The following CHIA variants were observed in gnomAD, a reference collection of about 807,000 sequenced individuals.
The protein encoded by CHIA is chitinase acidic.
A neutral mutation model predicts 53.5 loss-of-function variants in CHIA; 47 were observed. The ratio of observed to expected loss-of-function variants is 0.88; its 90% confidence interval spans 0.70 to 1.12. The LOEUF (loss-of-function observed/expected upper bound fraction) is 1.12. Ranked by LOEUF, CHIA falls within the 50% of genes most tolerant of loss-of-function variation. The pLI, the probability that CHIA is intolerant of heterozygous loss-of-function variation, is 0.00. For synonymous variants in CHIA, 268 were observed against 222.2 expected, an observed-to-expected ratio of 1.21 and a Z score of -1.83; for missense variants, 652 against 592.2, an observed-to-expected ratio of 1.10 and a Z score of -1.05.
intron 4 of CHIA, among the ~76,000 whole-genome samples, chr1:111,313,283 G>A (rs1240307165): frequency 6.6e-6 from 1 of 152,160 alleles, no homozygotes; most frequent in Non-Finnish European, 1.5e-5. Context: ...GTGGGCAAGA[G>A]TTCCTTTTTT....
At chr1:111,303,681 C>T (rs1329281961) in intron 1 of CHIA, among the ~76,000 whole-genome samples, 1 of 152,120 alleles carries the variant, frequency 6.6e-6, no homozygotes, top group Non-Finnish European at 1.5e-5. Context: ...AAAATACTAT[C>T]TTTATACATT....
chr1:111,319,061 C>T (rs1649419899), intron 9 of CHIA, 59 bp from the exon 10 acceptor site: 1 of 1,561,592 alleles, frequency 6.4e-7, no homozygotes, highest in Non-Finnish European at 8.6e-7. Flanking sequence ...AAATTTGAAA[C>T]ATGTTTTTCT....
chr1:111,297,950 T>C (rs1647337617), intron 1 of CHIA, among the ~76,000 whole-genome samples: 1 of 140,686 alleles, frequency 7.1e-6, no homozygotes, highest in Non-Finnish European at 1.5e-5. Context: ...AATCCTAGTC[T>C]CTGATGAAAC....
intron 4 of CHIA, 55 bp from the exon 5 acceptor site, chr1:111,314,485 A>G (rs56003810): frequency 0.11 from 129,685 of 1,221,072 alleles, 7,554 homozygotes; most frequent in African/African-American, 0.17. Flanking sequence ...ATGTATTTTA[A>G]ATGGAGGGAG....
rs1247541945 is a variant in CHIA at position 111,319,464 on chromosome 1, T to C, written c.1173T>C (p.Ser391=). 6.2e-7 allele frequency: 1 copy of C among 1,613,612 alleles called. No individual in the cohort carries two copies. The highest frequency in any genetic ancestry group is 1.7e-5 in the Admixed American group (1 of 60,008). Reference sequence around the variant, plus strand: ...TGAAGAAGGCCCTCGGCCTGCAGAGTGCAAGTAAGTGACTGAGGGGGAATG... The same window carrying C: ...TGAAGAAGGCCCTCGGCCTGCAGAGCGCAAGTAAGTGACTGAGGGGGAATG... The part of the protein sequence containing the change: ...STLKKALGLQ[S]ASCTAPAQPI... Residue 391 remains serine (S), a synonymous_variant, in exon 11 of 12, where the codon AGT becomes AGC. Transcript: ENST00000369740.
At chr1:111,315,692 T>C in intron 6 of CHIA, 2 of 541,742 alleles carry the variant, frequency 3.7e-6, no homozygotes, top group Non-Finnish European at 7.0e-6. Flanking sequence ...ATATTTACTC[T>C]ATGGCATACA....
intron 4 of CHIA, among the ~76,000 whole-genome samples, chr1:111,314,264 T>A (rs1648956782): frequency 6.6e-6 from 1 of 152,192 alleles, no homozygotes. Flanking sequence ...TAGCTATTCA[T>A]GTTTTTTAAA....
chr1:111,313,427 G>T (rs1028145666), intron 4 of CHIA, among the ~76,000 whole-genome samples: 1 of 152,020 alleles, frequency 6.6e-6, no homozygotes, highest in African/African-American at 2.4e-5. Flanking sequence ...TTATACACTT[G>T]TTGACCATTG....
In CHIA at chr1:111,312,192, T is replaced by C. The variant is rs1406286992; in HGVS notation, c.58T>C (p.Ser20Pro). ...TCCCTCCTGCTGACTACACACAGGC[T>C]CTGCCTACCAGCTGACATGCTACTT... ...LVLILNLQLG[S>P]AYQLTCYFTN... Residue 20 changes from serine (S) to proline (P), a missense_variant and splice_region_variant, in exon 4 of 12, where the codon TCT becomes CCT. Physicochemically the swap from Ser to Pro is moderately conservative, Grantham distance 74. Coordinates refer to ENST00000369740, the MANE Select transcript of CHIA (RefSeq NM_201653.4). The C allele has an allele frequency of 1.2e-6, 2 of 1,613,664 alleles. No individual in the cohort carries two copies. The highest frequency in any genetic ancestry group is 1.7e-6 in the Non-Finnish European group (2 of 1,179,720).
intron 1 of CHIA, among the ~76,000 whole-genome samples, chr1:111,301,705 CAAAA>C (rs35562130): frequency 1.9e-5 from 2 of 105,496 alleles, no homozygotes; most frequent in East Asian, 2.4e-4. Flanking sequence ...ACTCTCTCTC[CAAAA>C]AAAAAAAAAA....
intron 3 of CHIA, 56 bp from the exon 4 acceptor site, chr1:111,312,134 G>T (rs553741768): frequency 6.9e-6 from 10 of 1,442,472 alleles, no homozygotes; most frequent in Non-Finnish European, 9.8e-6. Flanking sequence ...AAAACTCACA[G>T]CACACTTCAG....
At chr1:111,315,876 C>T (rs530580847) in intron 6 of CHIA, 10 of 444,002 alleles carry the variant, frequency 2.3e-5, no homozygotes, top group Admixed American at 1.4e-4. Flanking sequence ...TTACTGAGTA[C>T]ATATTCTGTG....
intron 1 of CHIA, among the ~76,000 whole-genome samples, chr1:111,302,051 A>T (rs1647799325): frequency 6.6e-6 from 1 of 152,104 alleles, no homozygotes; most frequent in East Asian, 1.9e-4. Context: ...CTTAAAGTAA[A>T]ATTTAAAAAA....
At chr1:111,291,598 A>C (rs1661022863) in intron 1 of CHIA, among the ~76,000 whole-genome samples, 1 of 152,098 alleles carries the variant, frequency 6.6e-6, no homozygotes, top group Non-Finnish European at 1.5e-5. Flanking sequence ...TGATAGGTGC[A>C]GCAAACCATC....
intron 1 of CHIA, among the ~76,000 whole-genome samples, chr1:111,306,520 T>G (rs1020072796): frequency 8.5e-5 from 13 of 152,156 alleles, no homozygotes; most frequent in Non-Finnish European, 1.9e-4. Context: ...ATAAAGGATA[T>G]TTACATTCTC....
At chr1:111,317,444 A>G in intron 6 of CHIA, 1 of 417,528 alleles carries the variant, frequency 2.4e-6, no homozygotes, top group South Asian at 2.6e-5. Flanking sequence ...CTACCTACTA[A>G]CTCAGTGTGG....
intron 9 of CHIA, 84 bp from the exon 10 acceptor site, chr1:111,319,036 G>A: frequency 1.3e-6 from 2 of 1,510,820 alleles, no homozygotes; most frequent in Non-Finnish European, 1.8e-6. Flanking sequence ...CCCAACTGGA[G>A]ACATGAAAGA....
chr1:111,311,750 A>T, intron 3 of CHIA, 32 bp downstream of exon 3: 6 of 1,603,840 alleles, frequency 3.7e-6, no homozygotes, highest in Non-Finnish European at 5.1e-6. Flanking sequence ...TTATCATTGA[A>T]TGTATATATA....
chr1:111,291,486 G>A (rs891504966), intron 1 of CHIA, among the ~76,000 whole-genome samples: 1 of 142,106 alleles, frequency 7.0e-6, no homozygotes, highest in Admixed American at 7.4e-5. Flanking sequence ...ACCGGGAAGG[G>A]AACAAGAAAC....
Sources: gnomAD v4.1 joint callset for allele counts (sites outside exome capture counted in the v4.1 genomes callset) on GRCh38, gnomAD v4.1.1 for gene constraint, MANE v1.5 for transcripts, NCBI Gene and HGNC (gene_info 2026-07-23, HGNC 2026-07-21) for gene names.